DNAJB13: variants seen among roughly 807,000 people sequenced by gnomAD.
DNAJB13 encodes DnaJ heat shock protein family (Hsp40) member B13.
Under a neutral mutation model 35.6 loss-of-function variants are expected in DNAJB13, and 22 were observed. That is an observed-to-expected ratio of 0.62 (90% CI 0.44 to 0.88). DNAJB13 has a LOEUF of 0.88. Ranked by LOEUF, DNAJB13 falls within the 40% of genes least tolerant of loss-of-function variation. The pLI, the probability that DNAJB13 is intolerant of heterozygous loss-of-function variation, is 0.00. For missense variants in DNAJB13, 370 were observed against 384.3 expected, an observed-to-expected ratio of 0.96 and a Z score of 0.31; for synonymous variants, 136 against 144.2, an observed-to-expected ratio of 0.94 and a Z score of 0.41.
In DNAJB13 at chr11:73,959,673, C is replaced by T. The variant is rs1321507176; in HGVS notation, c.334+18C>T. On this transcript the variant is annotated intron_variant, in intron 3 of 7. Coordinates refer to ENST00000339764, the MANE Select transcript of DNAJB13 (RefSeq NM_153614.4). ...CTTCAGTGGTAAGAGGTCTTCCTCC[C>T]CCACCTTGCCTTATAGAGAAAGGAC... 2 of 1,608,648 alleles carry T rather than the reference C, an allele frequency of 1.2e-6. No individual in the cohort carries two copies. Among genetic ancestry groups the T allele is most frequent in the Admixed American group, 1.7e-5 (1 of 59,772 alleles).
intron 5 of DNAJB13, among the ~76,000 whole-genome samples, chr11:73,966,477 C>T (rs1411408183): frequency 6.6e-6 from 1 of 152,016 alleles, no homozygotes; most frequent in African/African-American, 2.4e-5. Flanking sequence ...CAGGGACTGT[C>T]CCCATTTTAC....
chr11:73,958,411 C>A lies in DNAJB13; in HGVS notation c.163C>A (p.Leu55Met). 6.2e-7 allele frequency: 1 copy of A among 1,614,090 alleles called. No homozygotes were observed. ...GCAAATAGCAGAGGCCTACGACGTG[C>A]TGAGTGACCGTGAGTAGGTGTGGGG... ...FRQIAEAYDV[L>M]SDPMKRGIYD... is the part of the protein sequence containing the mutation. The change falls in exon 2 of 8, where the codon CTG (leucine) becomes ATG (methionine). Residue 55 changes from leucine (L) to methionine (M), a missense_variant. Physicochemically the swap from Leu to Met is conservative, Grantham distance 15. Transcript: ENST00000339764.
intron 6 of DNAJB13, 44 bp from the exon 7 acceptor site, chr11:73,969,202 T>C: frequency 1.3e-6 from 1 of 780,908 alleles, no homozygotes; most frequent in Non-Finnish European, 2.2e-6. Flanking sequence ...AGGAGAGCCA[T>C]GGTGACCCTC....
At position 73,958,471 on chromosome 11, in the gene DNAJB13, G is replaced by T. The variant is rs1286194593; in HGVS notation, c.172+51G>T. On this transcript the variant is annotated intron_variant, in intron 2 of 7. Transcript: ENST00000339764. ...CCGCTTGATTAGGATCATTCCTTAA[G>T]TCTCTAGACTGTTGGGTTTTCTGAG... The T allele has an allele frequency of 2.1e-6, 3 of 1,419,252 alleles. No homozygotes were observed. The African/African-American group carries it at 4.2e-5, about 20-fold the overall frequency. The allele number at this position is 1,419,252 out of a possible 1,614,324, so 87.9% of individuals were successfully genotyped here.
intron 1 of DNAJB13, among the ~76,000 whole-genome samples, chr11:73,957,943 C>T (rs767388966): frequency 1.3e-5 from 2 of 152,172 alleles, no homozygotes; most frequent in Non-Finnish European, 2.9e-5. Flanking sequence ...GAGAGTGCAG[C>T]GAGGCCCGGG....
chr11:73,959,445 T>C (rs1433606370), intron 2 of DNAJB13, 49 bp from the exon 3 acceptor site: 1 of 1,581,664 alleles, frequency 6.3e-7, no homozygotes, highest in South Asian at 1.1e-5. Flanking sequence ...CCTCCACCTA[T>C]CTCAGCCCCC....
At chr11:73,963,345 CAA>C (rs565063917) in intron 3 of DNAJB13, among the ~76,000 whole-genome samples, 1 of 119,654 alleles carries the variant, frequency 8.4e-6, no homozygotes. Flanking sequence ...GACTCTGTCT[CAA>C]AAAAAAAAAA....
At chr11:73,958,144 C>T (rs1950813125) in intron 1 of DNAJB13, among the ~76,000 whole-genome samples, 173 bp from the exon 2 acceptor site, 1 of 152,192 alleles carries the variant, frequency 6.6e-6, no homozygotes, top group South Asian at 2.1e-4. Flanking sequence ...CTGTGCTCCC[C>T]GCACCAGCTA....
At position 73,969,980 on chromosome 11, in the gene DNAJB13, G is replaced by A. The variant is rs766994788; in HGVS notation, c.817G>A (p.Val273Met). ...DIIHPKYFKK[V>M]PGEGMPLPED... The stretch of plus-strand genomic sequence containing the variant: ...TTTCAGCCCCAAATACTTCAAGAAG[G>A]TGCCAGGGGAGGGGATGCCATTGCC... Residue 273 changes from valine (V) to methionine (M), a missense_variant, in exon 8 of 8, where the codon GTG becomes ATG. Val to Met is a conservative substitution (Grantham distance 21). Transcript: ENST00000339764. The A allele has an allele frequency of 3.1e-6, 5 of 1,610,586 alleles. No homozygotes were observed. Among genetic ancestry groups the A allele is most frequent in the East Asian group, 4.5e-5 (2 of 44,814 alleles).
At chr11:73,951,548 A>G (rs1950584334) in intron 1 of DNAJB13, among the ~76,000 whole-genome samples, 1 of 152,202 alleles carries the variant, frequency 6.6e-6, no homozygotes, top group African/African-American at 2.4e-5. Flanking sequence ...AGCATTGACT[A>G]AACTACATTC....
At chr11:73,958,466 C>A in intron 2 of DNAJB13, 46 bp downstream of exon 2, 1 of 1,555,448 alleles carries the variant, frequency 6.4e-7, no homozygotes, top group East Asian at 2.3e-5. Flanking sequence ...AGGATCATTC[C>A]TTAAGTCTCT....
At chr11:73,955,995 G>A (rs1950732347) in intron 1 of DNAJB13, among the ~76,000 whole-genome samples, 2 of 152,182 alleles carry the variant, frequency 1.3e-5, no homozygotes, top group African/African-American at 2.4e-5. Context: ...GCAGTAAGAG[G>A]AGGCATTGCC....
chr11:73,962,513 G>A (rs548646812), intron 3 of DNAJB13, among the ~76,000 whole-genome samples: 111 of 142,622 alleles, frequency 7.8e-4, no homozygotes, highest in Middle Eastern at 3.4e-3. Flanking sequence ...AGGTGGATGG[G>A]TGCGTGATTC....
Position 73,970,163 on chromosome 11 carries a change from C to A in DNAJB13, c.*49C>A. 1 of 1,514,302 alleles carries A rather than the reference C, an allele frequency of 6.6e-7. No homozygotes were observed. The highest frequency in any genetic ancestry group is 8.8e-7 in the Non-Finnish European group (1 of 1,133,118). 93.8% of individuals were successfully genotyped at this position (1,514,302 alleles called of 1,614,324 possible). A position where few individuals can be genotyped will look rare whatever the true frequency, so the allele number is the denominator to read the frequency against. ...GAGAGGAGGCTAGCCGGGCCTCACC[C>A]CACCCCTACCCGCCACAGCCTCAGG... On this transcript the variant is annotated 3_prime_UTR_variant, in exon 8 of 8. Coordinates refer to ENST00000339764, the MANE Select transcript of DNAJB13 (RefSeq NM_153614.4).
At chr11:73,954,522 C>T (rs180805792) in intron 1 of DNAJB13, among the ~76,000 whole-genome samples, 27 of 137,722 alleles carry the variant, frequency 2.0e-4, no homozygotes, top group African/African-American at 5.7e-4. Flanking sequence ...CCCAGCTACT[C>T]GGGAGGGTGA....
intron 4 of DNAJB13, chr11:73,965,348 C>T: frequency 4.4e-6 from 1 of 224,934 alleles, no homozygotes; most frequent in Non-Finnish European, 8.8e-6. Flanking sequence ...TGGGAGGAGT[C>T]TCTTCTGAAT....
Position 73,959,601 on chromosome 11 carries a change from G to C in DNAJB13, c.280G>C (p.Gly94Arg). ...ATGGACAACTGGTTACGTCTTCCAT[G>C]GCAAACCTGAAAAGGTGTTCCACGA... ...TPWTTGYVFHGKPEKVFHEFF... is the reference protein window; with the variant it reads ...TPWTTGYVFHRKPEKVFHEFF... The change falls in exon 3 of 8, where the codon GGC becomes CGC. Residue 94 changes from glycine (G) to arginine (R), a missense_variant. Coordinates refer to ENST00000339764, the MANE Select transcript of DNAJB13 (RefSeq NM_153614.4). 6.2e-7 allele frequency: 1 copy of C among 1,614,096 alleles called. No homozygotes were observed. Among genetic ancestry groups the C allele is most frequent in the Non-Finnish European group, 8.5e-7 (1 of 1,179,980 alleles).
Position 73,964,817 on chromosome 11 carries a change from G to A in DNAJB13, c.335-61G>A, listed in dbSNP as rs574879360. The A allele has an allele frequency of 1.2e-4, 175 of 1,513,122 alleles. 1 individual carries two copies. Among genetic ancestry groups the A allele is most frequent in the Middle Eastern group, 6.9e-4 (3 of 4,326 alleles). The allele number at this position is 1,513,122 out of a possible 1,614,324, so 93.7% of individuals were successfully genotyped here. ...TGTGTGTGTGTGTGTGTGTGTGCGC[G>A]CGCGCGCATGTCTGGGTCTCTGGAT... is the stretch of plus-strand genomic sequence containing the variant. On this transcript the variant is annotated intron_variant, in intron 3 of 7. Transcript: ENST00000339764.
intron 4 of DNAJB13, chr11:73,965,452 C>T (rs1365501502): frequency 6.1e-6 from 1 of 163,614 alleles, no homozygotes; most frequent in Non-Finnish European, 1.3e-5. Context: ...GGAGGGTGGG[C>T]TGGGAGATAG....
Sources: gnomAD v4.1 joint callset for allele counts (sites outside exome capture counted in the v4.1 genomes callset) on GRCh38, gnomAD v4.1.1 for gene constraint, MANE v1.5 for transcripts, NCBI Gene and HGNC (gene_info 2026-07-23, HGNC 2026-07-21) for gene names.